The following CDX4 variants were observed in gnomAD, a reference collection of about 807,000 sequenced individuals.
CDX4 encodes caudal type homeobox 4, also known as homeobox protein CDX-4.
A neutral mutation model predicts 14.1 loss-of-function variants in CDX4; 11 were observed. The ratio of observed to expected loss-of-function variants is 0.78; its 90% CI spans 0.49 to 1.29. The LOEUF (loss-of-function observed/expected upper bound fraction) is 1.29, where lower values mean the gene tolerates loss of function less well. Ranked by LOEUF, CDX4 falls within the 50% of genes most tolerant of loss-of-function variation. The pLI is 0.00. For synonymous variants in CDX4, 100 were observed against 93.5 expected (o/e 1.07, Z -0.40); for missense variants, 257 against 237.4 (o/e 1.08, Z -0.54).
chrX:73,447,790 C>T, intron 1 of CDX4, 35 bp downstream of exon 1: 1 of 1,139,643 alleles, frequency 8.8e-7, no homozygotes, highest in Non-Finnish European at 1.2e-6. Flanking sequence ...CACACTTTTC[C>T]TTCCTTCCCT....
chrX:73,454,538 C>A lies in CDX4; in HGVS notation c.808C>A (p.Arg270Ser), dbSNP rs760648974. Reference protein sequence around the residue: ...NTFFTTPSAVRGFQPIEIQQV... With the variant: ...NTFFTTPSAVSGFQPIEIQQV... ...TTTTTTCACCACACCATCTGCTGTT[C>A]GTGGATTTCAACCTATTGAGATACA... The change falls in exon 3 of 3, where the codon CGT becomes AGT. Residue 270 changes from arginine (R) to serine (S), a missense_variant. By Grantham distance (110) the Arg-to-Ser change is moderately radical. Transcript: ENST00000373514. The A allele has an allele frequency of 2.5e-6, 3 of 1,207,874 alleles. No homozygotes were observed. In the South Asian group the frequency reaches 5.3e-5, roughly 21 times the overall value.
At position 73,453,691 on chromosome X, in the gene CDX4, C is replaced by T. The variant is rs563318065; in HGVS notation, c.648+29C>T. The T allele has an allele frequency of 2.3e-5, 26 of 1,142,712 alleles. No individual in the cohort carries two copies. The South Asian group carries it at 3.4e-4, about 15-fold the overall frequency. The allele number at this position is 1,142,712 out of a possible 1,213,427, so 94.2% of individuals were successfully genotyped here. On this transcript the variant is annotated intron_variant, in intron 2 of 2. Coordinates refer to ENST00000373514, the MANE Select transcript of CDX4 (RefSeq NM_005193.2). ...CACCAGAAGTATATCCAACATGTCCCGTATAGTCCATTTCAATAGAATCAG... is the reference window on the plus strand; with the variant it reads ...CACCAGAAGTATATCCAACATGTCCTGTATAGTCCATTTCAATAGAATCAG...
Position 73,447,171 on chromosome X carries a change from A to T in CDX4, c.-83A>T. 9.4e-7 allele frequency: 1 copy of T among 1,062,758 alleles called. No individual in the cohort carries two copies. Among genetic ancestry groups the T allele is most frequent in the Non-Finnish European group, 1.3e-6 (1 of 781,894 alleles). The allele number at this position is 1,062,758 out of a possible 1,213,427, so 87.6% of individuals were successfully genotyped here. On this transcript the variant is annotated 5_prime_UTR_variant, in exon 1 of 3. Coordinates refer to ENST00000373514, the MANE Select transcript of CDX4 (RefSeq NM_005193.2). ...GGCACAACTACGTACTGATAAGTTT[A>T]TTCTCTGCTGCTTCTCAAAGTCGAG... is the stretch of plus-strand genomic sequence containing the variant.
At chrX:73,448,561 C>T (rs2057078151) in intron 1 of CDX4, among the ~76,000 whole-genome samples, 1 of 112,174 alleles carries the variant, frequency 8.9e-6, no homozygotes, top group Non-Finnish European at 1.9e-5. Context: ...AAGCAGGCGT[C>T]TCTCAGGCGT....
intron 2 of CDX4, 95 bp downstream of exon 2, chrX:73,453,757 C>A (rs2057097209): frequency 2.7e-6 from 2 of 735,137 alleles, no homozygotes; most frequent in African/African-American, 4.6e-5. Flanking sequence ...TTGCCTTATC[C>A]CAAGTAGCTT....
At position 73,453,765 on chromosome X, in the gene CDX4, C is replaced by T; in HGVS notation, c.648+103C>T. ...TAATGCATTGCCTTATCCCAAGTAG[C>T]TTGCATTTCAACCACGTGTGAAGGC... is the stretch of plus-strand genomic sequence containing the variant. On this transcript the variant is annotated intron_variant, in intron 2 of 2. Coordinates refer to ENST00000373514, the MANE Select transcript of CDX4 (RefSeq NM_005193.2). 5.9e-6 allele frequency: 4 copies of T among 681,430 alleles called. No homozygotes were observed. In the Admixed American group the frequency reaches 1.2e-4, roughly 20 times the overall value. 56.2% of individuals were successfully genotyped at this position (681,430 alleles called of 1,213,427 possible).
chrX:73,447,505 C>T lies in CDX4; in HGVS notation c.252C>T (p.Ser84=), dbSNP rs146093321. The change falls in exon 1 of 3, where the codon AGC becomes AGT. Residue 84 remains serine, a synonymous_variant. Coordinates refer to ENST00000373514, the MANE Select transcript of CDX4 (RefSeq NM_005193.2). ...SPYSPPREDW[S]VYPGPSSTMG... is the part of the protein sequence containing the mutation. ...ACAGTCCCCCGCGAGAAGACTGGAGCGTGTATCCTGGGCCGTCTAGTACAA... is the reference window on the plus strand; with the variant it reads ...ACAGTCCCCCGCGAGAAGACTGGAGTGTGTATCCTGGGCCGTCTAGTACAA... 1.5e-5 allele frequency: 18 copies of T among 1,210,184 alleles called. No individual in the cohort carries two copies. In the Middle Eastern group the frequency reaches 6.9e-4, roughly 46 times the overall value.
intron 1 of CDX4, among the ~76,000 whole-genome samples, chrX:73,450,229 ATTTTCTAATGAGAG>A (rs1234317969): frequency 8.9e-6 from 1 of 111,897 alleles, no homozygotes. Flanking sequence ...ATAGCATGTT[ATTTTCTAATGAGAG>A]CAAGGAGGCT....
intron 1 of CDX4, 68 bp downstream of exon 1, chrX:73,447,823 G>C (rs1488892289): frequency 9.1e-7 from 1 of 1,103,546 alleles, no homozygotes; most frequent in Non-Finnish European, 1.2e-6. Context: ...CTCTTGGTCG[G>C]CCTGCCCTCG....
intron 1 of CDX4, among the ~76,000 whole-genome samples, chrX:73,448,928 G>A (rs995389960): frequency 2.9e-4 from 32 of 111,916 alleles, no homozygotes; most frequent in Admixed American, 9.5e-5. Flanking sequence ...AGACAGGAGG[G>A]TGGGAAGTGA....
intron 1 of CDX4, among the ~76,000 whole-genome samples, chrX:73,452,599 T>C (rs2057092275): frequency 9.0e-6 from 1 of 111,655 alleles, no homozygotes; most frequent in Admixed American, 9.5e-5. Flanking sequence ...CACTTTATTC[T>C]GCTTAAGTCA....
chrX:73,447,351 G>A lies in CDX4; in HGVS notation c.98G>A (p.Gly33Glu), dbSNP rs1436701181. ...GDGTAGTGGT[G>E]GGGSPMPASN... ...GGCACAGCTGGGACAGGCGGCACAG[G>A]GGGCGGTGGGAGTCCGATGCCAGCC... The change falls in exon 1 of 3, where the codon GGG becomes GAG. Residue 33 changes from glycine to glutamate, a missense_variant. Coordinates refer to ENST00000373514, the MANE Select transcript of CDX4 (RefSeq NM_005193.2). The A allele has an allele frequency of 7.4e-6, 9 of 1,209,161 alleles. No homozygotes were observed. The Admixed American group carries it at 1.7e-4, about 24-fold the overall frequency.
rs1014007275 is a variant in CDX4, at chrX:73,452,782, G to A, written c.503-735G>A. Among the ~76,000 whole-genome samples, 4 of 111,589 alleles carry A rather than the reference G, an allele frequency of 3.6e-5. No homozygotes were observed. The South Asian group carries it at 1.5e-3, about 42-fold the overall frequency. On this transcript the variant is annotated intron_variant, in intron 1 of 2. Coordinates refer to ENST00000373514, the MANE Select transcript of CDX4 (RefSeq NM_005193.2). ...TTCAAACCAAACTCTAGGAAATTAT[G>A]TAACTATAATGTTAGGATCCCACAA... is the stretch of plus-strand genomic sequence containing the variant.
chrX:73,449,769 G>GT (rs948831246), intron 1 of CDX4, among the ~76,000 whole-genome samples: 3 of 111,447 alleles, frequency 2.7e-5, no homozygotes, highest in Non-Finnish European at 5.7e-5. Context: ...TATCTCCCTA[G>GT]AAAAAATGCA....
At chrX:73,451,861 T>A (rs2067718707) in intron 1 of CDX4, among the ~76,000 whole-genome samples, 1 of 111,963 alleles carries the variant, frequency 8.9e-6, no homozygotes, top group Admixed American at 9.5e-5. Context: ...ATAAATTAAA[T>A]CTCCAAGTTT....
In CDX4 at chrX:73,447,657, C is replaced by T; in HGVS notation, c.404C>T (p.Ser135Leu). ...AGCCTACCAGGCCAGGCTGGCGGGT[C>T]GCTTGTCCCGACGGACGCAGGCGCC... ...GSSLPGQAGGSLVPTDAGAAK... is the reference protein window; with the variant it reads ...GSSLPGQAGGLLVPTDAGAAK... Residue 135 changes from serine to leucine, a missense_variant, in exon 1 of 3, where the codon TCG (serine) becomes TTG (leucine). Transcript: ENST00000373514. 1 of 1,208,837 alleles carries T rather than the reference C, an allele frequency of 8.3e-7. No homozygotes were observed. The highest frequency in any genetic ancestry group is 1.1e-6 in the Non-Finnish European group (1 of 894,911).
At chrX:73,447,878 T>G in intron 1 of CDX4, 123 bp downstream of exon 1, 1 of 811,281 alleles carries the variant, frequency 1.2e-6, no homozygotes, top group Non-Finnish European at 1.7e-6. Context: ...AGGCGACCCC[T>G]ATATGGCTGG....
chrX:73,449,443 CTT>C (rs1212748991), intron 1 of CDX4, among the ~76,000 whole-genome samples: 1 of 111,770 alleles, frequency 8.9e-6, no homozygotes, highest in Non-Finnish European at 1.9e-5. Flanking sequence ...GAGTCTCTCT[CTT>C]GGGCAATTCT....
intron 1 of CDX4, among the ~76,000 whole-genome samples, chrX:73,451,945 G>C (rs1304298486): frequency 9.0e-6 from 1 of 111,474 alleles, no homozygotes; most frequent in Non-Finnish European, 1.9e-5. Flanking sequence ...CCAGGTTTTT[G>C]CTTAGACTCA....
Sources: allele counts gnomAD v4.1 joint callset (sites outside exome capture counted in the v4.1 genomes callset), GRCh38; gene constraint gnomAD v4.1.1; transcripts MANE v1.5; gene names NCBI Gene and HGNC (gene_info 2026-07-23, HGNC 2026-07-21).